WDR7: variants seen among roughly 807,000 people sequenced by gnomAD.
The protein encoded by WDR7 is WD repeat domain 7, also known as WD repeat-containing protein 7.
Under a neutral mutation model 169.4 loss-of-function variants are expected in WDR7, and 46 were observed. The observed-to-expected ratio is 0.27, with a 90% CI of 0.21 to 0.35. The LOEUF (loss-of-function observed/expected upper bound fraction) is 0.35. Ranked by LOEUF, WDR7 falls within the 10% of genes least tolerant of loss-of-function variation. WDR7 has a pLI of 1.00. For missense variants in WDR7, 1,534 were observed against 1,859.3 expected, an observed-to-expected ratio of 0.83 and a Z score of 3.22; for synonymous variants, 612 against 666.8, an observed-to-expected ratio of 0.92 and a Z score of 1.27.
At chr18:56,781,117 T>C (rs995156420) in intron 18 of WDR7, among the ~76,000 whole-genome samples, 1 of 152,140 alleles carries the variant, frequency 6.6e-6, no homozygotes, top group Non-Finnish European at 1.5e-5. Flanking sequence ...AGAAATTAAA[T>C]AGATAAGGTT....
intron 26 of WDR7, among the ~76,000 whole-genome samples, chr18:57,012,421 C>T (rs1247411736): frequency 5.3e-5 from 8 of 151,454 alleles, no homozygotes; most frequent in Non-Finnish European, 3.0e-5. Flanking sequence ...GTGGAAGCCA[C>T]CTCCATGCCA....
At chr18:56,927,778 T>C (rs894060232) in intron 22 of WDR7, among the ~76,000 whole-genome samples, 3 of 152,240 alleles carry the variant, frequency 2.0e-5, no homozygotes, top group Non-Finnish European at 4.4e-5. Flanking sequence ...GTATAATTAA[T>C]ATGTGAAAAG....
intron 26 of WDR7, among the ~76,000 whole-genome samples, chr18:56,989,693 C>T (rs905874374): frequency 6.6e-6 from 1 of 152,062 alleles, no homozygotes; most frequent in East Asian, 1.9e-4. Context: ...ACTTATGATA[C>T]TTGATTATAC....
chr18:56,658,391 T>C (rs529078666), intron 1 of WDR7, among the ~76,000 whole-genome samples: 1 of 152,226 alleles, frequency 6.6e-6, no homozygotes, highest in East Asian at 1.9e-4. Context: ...CATGAGCCAC[T>C]GCGCCCAGCC....
chr18:56,703,283 A>C (rs1435614652), intron 12 of WDR7, among the ~76,000 whole-genome samples: 20 of 152,214 alleles, frequency 1.3e-4, no homozygotes, highest in Non-Finnish European at 1.2e-4. Flanking sequence ...CACAGCCAGT[A>C]AGGGCAATTG....
chr18:56,844,552 A>G (rs1340937880), intron 20 of WDR7, among the ~76,000 whole-genome samples: 1 of 152,198 alleles, frequency 6.6e-6, no homozygotes, highest in Non-Finnish European at 1.5e-5. Flanking sequence ...ATTTTGGGCT[A>G]TACTTTTGAG....
rs1599013488 is a variant in WDR7 at position 56,749,161 on chromosome 18, T to C, written c.1990-7422T>C. Among the ~76,000 whole-genome samples, 3 of 151,788 alleles carry C rather than the reference T, an allele frequency of 2.0e-5. No individual in the cohort carries two copies. The South Asian group carries it at 6.2e-4, about 31-fold the overall frequency. ...TTTAAAAACTTTTATTCAATAAATA[T>C]ACTAAATCAAGAGTAAAATTATAAA... is the stretch of plus-strand genomic sequence containing the variant. On this transcript the variant is annotated intron_variant, in intron 14 of 27. Transcript: ENST00000254442.
In WDR7 at chr18:56,786,927, G is replaced by T. The variant is rs758751299; in HGVS notation, c.3190+5271G>T. 1.3e-4 allele frequency among the ~76,000 whole-genome samples: 20 copies of T among 151,530 alleles called. No individual in the cohort carries two copies. The South Asian group carries it at 2.3e-3, about 18-fold the overall frequency. On this transcript the variant is annotated intron_variant, in intron 19 of 27. Coordinates refer to ENST00000254442, the MANE Select transcript of WDR7 (RefSeq NM_015285.3). ...AAGTAAATAGTTTTTGCCATTAAAA[G>T]TAGTGGCAAAAACCACAATTACTTT...
intron 26 of WDR7, among the ~76,000 whole-genome samples, chr18:57,004,208 C>A (rs2048023890): frequency 6.6e-6 from 1 of 152,040 alleles, no homozygotes; most frequent in Admixed American, 6.6e-5. Context: ...AATCTAATAT[C>A]TAGGAGCTCC....
intron 16 of WDR7, 39 bp from the exon 17 acceptor site, chr18:56,776,743 A>G: frequency 6.4e-7 from 1 of 1,570,334 alleles, no homozygotes. Flanking sequence ...GCTGTACTTC[A>G]ATTCTCTCCT....
chr18:56,916,233 C>T lies in WDR7; in HGVS notation c.3527-7689C>T, dbSNP rs368532272. On this transcript the variant is annotated intron_variant, in intron 21 of 27. Transcript: ENST00000254442. ...GCTGTACCCATTAACTCGTCATTTA[C>T]ATTAGGTATATCTCCTAATGCTATC... 6.4e-4 allele frequency among the ~76,000 whole-genome samples: 97 copies of T among 152,214 alleles called. 2 individuals carry two copies. Among genetic ancestry groups the T allele is most frequent in the Middle Eastern group, 6.8e-3 (2 of 294 alleles).
chr18:56,934,395 C>T (rs1479993542), intron 22 of WDR7, among the ~76,000 whole-genome samples: 1 of 151,992 alleles, frequency 6.6e-6, no homozygotes, highest in Non-Finnish European at 1.5e-5. Flanking sequence ...GCATCGGGCT[C>T]TTCCATGGCA....
intron 15 of WDR7, among the ~76,000 whole-genome samples, chr18:56,758,193 CTA>C (rs1340373823): frequency 1.3e-5 from 2 of 152,096 alleles, no homozygotes; most frequent in Non-Finnish European, 2.9e-5. Flanking sequence ...TTATTATACT[CTA>C]TTGAGCATTT....
At chr18:57,023,529 G>A (rs1336523222) in intron 27 of WDR7, among the ~76,000 whole-genome samples, 1 of 152,182 alleles carries the variant, frequency 6.6e-6, no homozygotes, top group Non-Finnish European at 1.5e-5. Context: ...TTATAGCTGT[G>A]TTTCTGTGTG....
At chr18:56,874,157 T>C (rs1403236299) in intron 20 of WDR7, among the ~76,000 whole-genome samples, 1 of 152,212 alleles carries the variant, frequency 6.6e-6, no homozygotes, top group African/African-American at 2.4e-5. Flanking sequence ...CCTGTTCTTA[T>C]ACATAAACAA....
At position 56,695,024 on chromosome 18, in the gene WDR7, G is replaced by C. The variant is rs746056029; in HGVS notation, c.1183G>C (p.Asp395His). ...KLNPCPAGII[D>H]QLSVIPNSNE... is the part of the protein sequence containing the mutation. ...GAATCCTTGTCCTGCTGGAATTATA[G>C]ATCAGCTGAGTGTGATTCCCAATAG... The change falls in exon 11 of 28, where the codon GAT becomes CAT. Residue 395 changes from aspartate (D) to histidine (H), a missense_variant. Asp to His is a moderately conservative substitution (Grantham distance 81, BLOSUM62 -1). Transcript: ENST00000254442. 1 of 1,614,140 alleles carries C rather than the reference G, an allele frequency of 6.2e-7. No homozygotes were observed. The highest frequency in any genetic ancestry group is 1.1e-5 in the South Asian group (1 of 91,078).
At chr18:57,025,065 A>G (rs992779046) in intron 27 of WDR7, among the ~76,000 whole-genome samples, 9 of 152,306 alleles carry the variant, frequency 5.9e-5, no homozygotes, top group Admixed American at 1.3e-4. Flanking sequence ...GAGTATTCCC[A>G]TGAGATATTC....
chr18:56,883,683 C>G (rs1205922064), intron 21 of WDR7, among the ~76,000 whole-genome samples: 2 of 151,976 alleles, frequency 1.3e-5, no homozygotes, highest in Non-Finnish European at 2.9e-5. Context: ...TCCCCTGAAT[C>G]CTGAATGTCC....
intron 26 of WDR7, among the ~76,000 whole-genome samples, chr18:56,990,356 A>G (rs1302354754): frequency 2.0e-5 from 3 of 152,240 alleles, no homozygotes; most frequent in Non-Finnish European, 4.4e-5. Context: ...AAAAGCCCAT[A>G]TGGGAATCCT....
Sources: gnomAD v4.1 joint callset for allele counts (sites outside exome capture counted in the v4.1 genomes callset) on GRCh38, gnomAD v4.1.1 for gene constraint, MANE v1.5 for transcripts, NCBI Gene and HGNC (gene_info 2026-07-23, HGNC 2026-07-21) for gene names.